Variants in WNT7B observed in about 807,000 individuals in gnomAD.
The protein encoded by WNT7B is Wnt family member 7B.
WNT7B carries 19 observed loss-of-function variants against 38.2 expected under a neutral mutation model. The ratio of observed to expected loss-of-function variants is 0.50; its 90% CI spans 0.35 to 0.73. The LOEUF is 0.73. Ranked by LOEUF, WNT7B falls within the 30% of genes least tolerant of loss-of-function variation. The pLI is 0.01. For synonymous variants in WNT7B, 243 were observed against 209.3 expected, an observed-to-expected ratio of 1.16 and a Z score of -1.39; for missense variants, 423 against 507.9, an observed-to-expected ratio of 0.83 and a Z score of 1.61.
intron 3 of WNT7B, 122 bp downstream of exon 3, chr22:45,930,976 C>G: frequency 7.3e-7 from 1 of 1,362,690 alleles, no homozygotes; most frequent in Non-Finnish European, 9.7e-7. Flanking sequence ...GACGGCCCCA[C>G]CCCCTGCACA....
intron 1 of WNT7B, among the ~76,000 whole-genome samples, chr22:45,957,709 A>ACC (rs1932104402): frequency 6.6e-6 from 1 of 150,846 alleles, no homozygotes; most frequent in African/African-American, 2.4e-5. Context: ...AAAAAAAAAA[A>ACC]AAACAGAAAA....
Position 45,922,979 on chromosome 22 carries a change from G to A in WNT7B, c.927C>T (p.Cys309=), listed in dbSNP as rs202232294. The A allele has an allele frequency of 6.4e-5, 103 of 1,613,264 alleles. 1 individual carries two copies. In the Middle Eastern group the frequency reaches 6.6e-4, roughly 10 times the overall value. ...PGADGCDTMC[C]GRGYNTHQYT... ...ACTGGTGGGTGTTGTAGCCTCGGCC[G>A]CAGCACATGGTGTCACAGCCGTCCG... is the stretch of plus-strand genomic sequence containing the variant. The change falls in exon 4 of 4, where the codon TGC becomes TGT. Residue 309 remains cysteine, a synonymous_variant. Transcript: ENST00000339464.
chr22:45,950,075 T>C lies in WNT7B; in HGVS notation c.143A>G (p.Gln48Arg). 2 of 1,614,046 alleles carry C rather than the reference T, an allele frequency of 1.2e-6. No individual in the cohort carries two copies. The highest frequency in any genetic ancestry group is 1.7e-6 in the Non-Finnish European group (2 of 1,180,036). ...GGGCCGACTCTGGCAGATGGCACGC[T>C]GCCGCGGGGCTAGGCCAGGAATCTT... Reference protein sequence around the residue: ...CNKIPGLAPRQRAICQSRPDA... With the variant: ...CNKIPGLAPRRRAICQSRPDA... Residue 48 changes from glutamine to arginine, a missense_variant, in exon 2 of 4, where the codon CAG becomes CGG. Around this residue, in one of 3 missense-constraint regions of WNT7B, gnomAD observed 133 missense variants for 179.8 expected, o/e 0.74. Coordinates refer to ENST00000339464, the MANE Select transcript of WNT7B (RefSeq NM_058238.3).
intron 1 of WNT7B, among the ~76,000 whole-genome samples, chr22:45,953,723 T>TA (rs528714196): frequency 0.17 from 22,726 of 134,212 alleles, 1,953 homozygotes; most frequent in Middle Eastern, 0.26. Context: ...GGCTATGATT[T>TA]AAAAAAAAAA....
intron 3 of WNT7B, chr22:45,926,940 C>T (rs915997183): frequency 1.0e-6 from 1 of 985,362 alleles, no homozygotes; most frequent in Non-Finnish European, 1.2e-6. Flanking sequence ...CAGGGAAGGG[C>T]TGTGCCAAGA....
At chr22:45,972,116 G>GGGGGGGGGGGCCCC in intron 1 of WNT7B, 4 of 530,746 alleles carry the variant, frequency 7.5e-6, no homozygotes, top group Non-Finnish European at 1.3e-5. Flanking sequence ...CCCGGGGGGA[G>GGGGGGGGGGGCCCC]CCCACCCGCC....
chr22:45,929,874 A>T (rs1246225338), intron 3 of WNT7B, among the ~76,000 whole-genome samples: 2 of 149,904 alleles, frequency 1.3e-5, no homozygotes, highest in South Asian at 2.1e-4. Context: ...CCATCCATCC[A>T]ACCATCTACC....
chr22:45,941,985 G>A (rs1465533689), intron 2 of WNT7B, among the ~76,000 whole-genome samples: 1 of 152,132 alleles, frequency 6.6e-6, no homozygotes, highest in East Asian at 1.9e-4. Context: ...GCCTGGCTGG[G>A]GAGGGGTCCC....
intron 2 of WNT7B, among the ~76,000 whole-genome samples, chr22:45,942,667 C>T (rs754985909): frequency 5.3e-5 from 8 of 152,006 alleles, no homozygotes; most frequent in Admixed American, 2.6e-4. Flanking sequence ...GCGGCTTACA[C>T]GAAGGTGATA....
chr22:45,926,459 T>A, intron 3 of WNT7B: 1 of 985,314 alleles, frequency 1.0e-6, no homozygotes, highest in Non-Finnish European at 1.2e-6. Context: ...AGAATAAGGG[T>A]GTAGCCTGTG....
rs1001722160 is a variant in WNT7B, at chr22:45,945,898, C to T, written c.298+4022G>A. On this transcript the variant is annotated intron_variant, in intron 2 of 3. Coordinates refer to ENST00000339464, the MANE Select transcript of WNT7B (RefSeq NM_058238.3). ...CTGTGCTGGTGTCCCGGGCCGCTCA[C>T]GTGAGCATGGATTAGGGGCAGTCTC... 5.9e-5 allele frequency among the ~76,000 whole-genome samples: 9 copies of T among 152,382 alleles called. 1 individual carries two copies. The highest frequency in any genetic ancestry group is 4.6e-4 in the Admixed American group (7 of 15,312).
intron 3 of WNT7B, chr22:45,925,588 T>C (rs1365670128): frequency 2.3e-5 from 23 of 984,896 alleles, no homozygotes; most frequent in Admixed American, 1.2e-4. Flanking sequence ...CCCTCTCCCA[T>C]CCTGTCCATC....
chr22:45,972,116 G>GGGGGCCCCCCCCCCCCCCCCCC, intron 1 of WNT7B: 4 of 530,738 alleles, frequency 7.5e-6, no homozygotes, highest in Non-Finnish European at 9.9e-6. Flanking sequence ...CCCGGGGGGA[G>GGGGGCCCCCCCCCCCCCCCCCC]CCCACCCGCC....
chr22:45,967,834 C>T (rs895285255), intron 1 of WNT7B, among the ~76,000 whole-genome samples: 2 of 152,172 alleles, frequency 1.3e-5, no homozygotes, highest in Admixed American at 6.5e-5. Context: ...AAATCACCAA[C>T]TTCATGATCA....
At chr22:45,955,284 G>A (rs1331545492) in intron 1 of WNT7B, among the ~76,000 whole-genome samples, 1 of 152,250 alleles carries the variant, frequency 6.6e-6, no homozygotes, top group East Asian at 1.9e-4. Context: ...GAGGGGGCTG[G>A]GGAGAGGGGT....
chr22:45,975,768 C>T lies in WNT7B; in HGVS notation c.71+916G>A, dbSNP rs1051599772. 3 of 359,212 alleles carry T rather than the reference C, an allele frequency of 8.4e-6. No homozygotes were observed. Among genetic ancestry groups the T allele is most frequent in the African/African-American group, 6.4e-5 (3 of 46,758 alleles). The allele number at this position is 359,212 out of a possible 1,614,324, so 22.3% of individuals were successfully genotyped here. ...GCAGGGCGCGGCGGGGCCCGGGTCCCCGCAGGTGCGAGGAGCGCGGGGCCA... is the reference window on the plus strand; with the variant it reads ...GCAGGGCGCGGCGGGGCCCGGGTCCTCGCAGGTGCGAGGAGCGCGGGGCCA... On this transcript the variant is annotated intron_variant, in intron 1 of 3. Coordinates refer to ENST00000339464, the MANE Select transcript of WNT7B (RefSeq NM_058238.3). This position sits in a 1 kb window ranked among gnomAD's most constrained non-coding sequence, Gnocchi z 6.6.
intron 2 of WNT7B, among the ~76,000 whole-genome samples, chr22:45,938,023 A>AT (rs1350982313): frequency 2.0e-5 from 3 of 152,170 alleles, no homozygotes; most frequent in African/African-American, 7.2e-5. Flanking sequence ...AAAAAATGAC[A>AT]TTTTCTACAA....
Position 45,924,482 on chromosome 22 carries a change from G to C in WNT7B, c.571-1147C>G, listed in dbSNP as rs541881686. ...CCCAGGAGAGCCTAATCCTGCTGCAGTGAGGGTCCTTGAGGTAGGGCTTCC... is the reference window on the plus strand; with the variant it reads ...CCCAGGAGAGCCTAATCCTGCTGCACTGAGGGTCCTTGAGGTAGGGCTTCC... On this transcript the variant is annotated intron_variant, in intron 3 of 3. Transcript: ENST00000339464. Among the ~76,000 whole-genome samples the C allele has an allele frequency of 2.0e-5, 3 of 152,388 alleles. No individual in the cohort carries two copies. In the East Asian group the frequency reaches 5.8e-4, roughly 29 times the overall value.
chr22:45,936,347 G>A (rs995052305), intron 2 of WNT7B, among the ~76,000 whole-genome samples: 8 of 152,336 alleles, frequency 5.3e-5, no homozygotes, highest in Admixed American at 4.6e-4. Flanking sequence ...GTCCAGGGCC[G>A]GCTACGGGTG....
Sources: gnomAD v4.1 joint callset for allele counts (sites outside exome capture counted in the v4.1 genomes callset) on GRCh38, gnomAD v4.1.1 for gene constraint, gnomAD v4.1.1 regional missense constraint, Gnocchi (gnomAD v3.1) non-coding constraint, MANE v1.5 for transcripts, NCBI Gene and HGNC (gene_info 2026-07-23, HGNC 2026-07-21) for gene names.